The following ATG7 variants were observed in gnomAD, a reference collection of about 807,000 sequenced individuals.
ATG7 encodes the protein autophagy related 7.
A neutral mutation model predicts 82.4 loss-of-function variants in ATG7; 70 were observed. The observed-to-expected ratio is 0.85, with a 90% CI of 0.70 to 1.04. The LOEUF (loss-of-function observed/expected upper bound fraction) is 1.04, where lower values mean the gene tolerates loss of function less well. ATG7 is among the 50% of genes least tolerant of loss of function. The pLI is 0.00. For missense variants in ATG7, 792 were observed against 864.3 expected, an observed-to-expected ratio of 0.92 and a Z score of 1.05; for synonymous variants, 287 against 313.0, an observed-to-expected ratio of 0.92 and a Z score of 0.88.
Position 11,379,964 on chromosome 3 carries a change from G to A in ATG7, c.1876-8G>A. The A allele has an allele frequency of 6.2e-7, 1 of 1,613,758 alleles. No individual in the cohort carries two copies. The highest frequency in any genetic ancestry group is 8.5e-7 in the Non-Finnish European group (1 of 1,179,684). The stretch of plus-strand genomic sequence containing the variant: ...TGATGTGAATTGTTTTGTTTTGTTT[G>A]TTTTTAGATCCGGGGATTTCTTTCA... On this transcript the variant is annotated splice_region_variant and splice_polypyrimidine_tract_variant and intron_variant, in intron 18 of 20. Coordinates refer to ENST00000693202, the MANE Select transcript of ATG7 (RefSeq NM_001349232.2).
At chr3:11,506,191 T>C (rs2091696521) in intron 20 of ATG7, among the ~76,000 whole-genome samples, 1 of 152,188 alleles carries the variant, frequency 6.6e-6, no homozygotes, top group Non-Finnish European at 1.5e-5. Flanking sequence ...TAGGCTAAGG[T>C]ACTATAATAG....
chr3:11,468,983 A>G (rs926739120), intron 20 of ATG7, among the ~76,000 whole-genome samples: 2 of 152,120 alleles, frequency 1.3e-5, no homozygotes, highest in African/African-American at 2.4e-5. Flanking sequence ...CAGCTGCCCA[A>G]TCTTGTTGGG....
At chr3:11,406,797 A>G (rs1245641322) in intron 19 of ATG7, among the ~76,000 whole-genome samples, 1 of 152,150 alleles carries the variant, frequency 6.6e-6, no homozygotes, top group African/African-American at 2.4e-5. Context: ...CCCATTAACC[A>G]TCACCAGAGC....
At chr3:11,545,738 TC>T (rs1194644793) in intron 20 of ATG7, among the ~76,000 whole-genome samples, 2 of 152,198 alleles carry the variant, frequency 1.3e-5, no homozygotes, top group African/African-American at 2.4e-5. Context: ...TGGCGGTTCT[TC>T]CTTGGAATCA....
intron 11 of ATG7, among the ~76,000 whole-genome samples, chr3:11,336,564 C>G (rs924146848): frequency 6.6e-6 from 1 of 152,168 alleles, no homozygotes; most frequent in Non-Finnish European, 1.5e-5. Flanking sequence ...TTTTCTATAT[C>G]ATAATGTAAA....
chr3:11,307,457 A>G (rs996738893), intron 6 of ATG7, among the ~76,000 whole-genome samples: 5 of 152,222 alleles, frequency 3.3e-5, no homozygotes, highest in African/African-American at 1.2e-4. Flanking sequence ...CCATGGCGGT[A>G]GAGGAGATTA....
At chr3:11,532,373 G>T (rs545549493) in intron 20 of ATG7, among the ~76,000 whole-genome samples, 10 of 152,272 alleles carry the variant, frequency 6.6e-5, no homozygotes, top group African/African-American at 2.4e-4. Flanking sequence ...ACAGAGCTGA[G>T]TCTGGAAAGA....
intron 13 of ATG7, among the ~76,000 whole-genome samples, chr3:11,346,266 T>G (rs566237616): frequency 6.6e-6 from 1 of 152,356 alleles, no homozygotes; most frequent in Non-Finnish European, 1.5e-5. Flanking sequence ...TAACATTGTT[T>G]CCAGTTTTTT....
intron 19 of ATG7, among the ~76,000 whole-genome samples, chr3:11,381,147 T>G (rs1304132395): frequency 6.6e-6 from 1 of 152,252 alleles, no homozygotes; most frequent in Admixed American, 6.5e-5. Flanking sequence ...ATTTCAAGCT[T>G]AGACTTTGTC....
chr3:11,392,934 AAGTT>A lies in ATG7; in HGVS notation c.1956+12886_1956+12889del, dbSNP rs1423383001. Among the ~76,000 whole-genome samples, 5 of 152,348 alleles carry A rather than the reference AAGTT, an allele frequency of 3.3e-5. No individual in the cohort carries two copies. In the South Asian group the frequency reaches 6.2e-4, roughly 19 times the overall value. On this transcript the variant is annotated intron_variant, in intron 19 of 20. Coordinates refer to ENST00000693202, the MANE Select transcript of ATG7 (RefSeq NM_001349232.2). ...TAAGAACATTAGCAAGCAGGCACAA[AAGTT>A]AGTCATTCAGCATGTTCCTGTGGAC... is the stretch of plus-strand genomic sequence containing the variant.
At chr3:11,500,651 T>C (rs1168016002) in intron 20 of ATG7, among the ~76,000 whole-genome samples, 1 of 152,208 alleles carries the variant, frequency 6.6e-6, no homozygotes, top group Admixed American at 6.5e-5. Flanking sequence ...TAAGGTTTTT[T>C]TGTTTGTTTG....
chr3:11,275,769 G>A (rs1941646376), intron 1 of ATG7, among the ~76,000 whole-genome samples: 1 of 152,044 alleles, frequency 6.6e-6, no homozygotes, highest in Non-Finnish European at 1.5e-5. Flanking sequence ...GTAGTCAGTA[G>A]GTATTACCAT....
intron 19 of ATG7, among the ~76,000 whole-genome samples, chr3:11,388,266 A>T (rs2078468798): frequency 6.6e-6 from 1 of 151,108 alleles, no homozygotes; most frequent in Admixed American, 6.6e-5. Flanking sequence ...TAGTCTCTTG[A>T]TCAACTATTT....
At chr3:11,298,519 G>A (rs979783207) in intron 3 of ATG7, among the ~76,000 whole-genome samples, 167 bp from the exon 4 acceptor site, 1 of 152,200 alleles carries the variant, frequency 6.6e-6, no homozygotes, top group African/African-American at 2.4e-5. Context: ...TAAAGTATAT[G>A]TTATGTGTTT....
chr3:11,343,700 A>G (rs921464087), intron 13 of ATG7, among the ~76,000 whole-genome samples: 5 of 152,206 alleles, frequency 3.3e-5, no homozygotes, highest in African/African-American at 1.2e-4. Context: ...ACTTTTGCAC[A>G]AAATGGATTG....
At chr3:11,394,898 A>G (rs950038422) in intron 19 of ATG7, among the ~76,000 whole-genome samples, 3 of 152,176 alleles carry the variant, frequency 2.0e-5, no homozygotes, top group Non-Finnish European at 2.9e-5. Context: ...CAGGCACACA[A>G]GAAGAGAAGG....
chr3:11,351,880 C>A (rs1315061489), intron 14 of ATG7, among the ~76,000 whole-genome samples: 1 of 147,050 alleles, frequency 6.8e-6, no homozygotes, highest in African/African-American at 2.5e-5. Context: ...ACTTTAAGTT[C>A]TAGGGTACAT....
chr3:11,361,153 C>T (rs1378103083), intron 16 of ATG7, among the ~76,000 whole-genome samples: 1 of 152,164 alleles, frequency 6.6e-6, no homozygotes, highest in African/African-American at 2.4e-5. Context: ...GACACTGCCT[C>T]CCAGGTAGTT....
At chr3:11,354,331 A>G (rs1258680467) in intron 14 of ATG7, among the ~76,000 whole-genome samples, 1 of 152,166 alleles carries the variant, frequency 6.6e-6, no homozygotes, top group African/African-American at 2.4e-5. Flanking sequence ...TTTATAAATC[A>G]TATAGCTATT....
Sources: allele counts gnomAD v4.1 joint callset (sites outside exome capture counted in the v4.1 genomes callset), GRCh38; gene constraint gnomAD v4.1.1; transcripts MANE v1.5; gene names NCBI Gene and HGNC (gene_info 2026-07-23, HGNC 2026-07-21).